STRBP: variants seen among roughly 807,000 people sequenced by gnomAD.
STRBP encodes spermatid perinuclear RNA-binding protein.
STRBP carries 13 observed loss-of-function variants against 80.1 expected under a neutral mutation model. The ratio of observed to expected loss-of-function variants is 0.16; its 90% CI spans 0.11 to 0.26. The LOEUF is 0.26. Ranked by LOEUF, STRBP falls within the 10% of genes least tolerant of loss-of-function variation. The pLI, the probability that STRBP is intolerant of heterozygous loss-of-function variation, is 1.00. For missense variants in STRBP, 485 were observed against 815.2 expected, an observed-to-expected ratio of 0.59 and a Z score of 4.93; for synonymous variants, 284 against 291.2, an observed-to-expected ratio of 0.98 and a Z score of 0.25.
chr9:123,130,638 T>C (rs1309022865), intron 17 of STRBP, among the ~76,000 whole-genome samples: 1 of 152,188 alleles, frequency 6.6e-6, no homozygotes, highest in Non-Finnish European at 1.5e-5. Flanking sequence ...CTTTGCCCTT[T>C]CAATAATACA....
intron 2 of STRBP, among the ~76,000 whole-genome samples, chr9:123,223,538 T>C (rs1311513672): frequency 6.6e-6 from 1 of 152,154 alleles, no homozygotes; most frequent in Admixed American, 6.5e-5. Context: ...AAGAAATACA[T>C]TAGTTTTTAA....
chr9:123,160,002 G>A (rs700096), intron 8 of STRBP, among the ~76,000 whole-genome samples: 20,328 of 152,210 alleles, frequency 0.13, 1,880 homozygotes, highest in Non-Finnish European at 0.21. Context: ...ATGCAAGGGG[G>A]CACCAAAAGA....
At chr9:123,118,732 C>T (rs1436911018), downstream of STRBP, among the ~76,000 whole-genome samples, 7 of 152,198 alleles carry the variant, frequency 4.6e-5, no homozygotes, top group Admixed American at 3.3e-4. Context: ...TCCTTGTCTA[C>T]GTAACGCAGT....
In STRBP at chr9:123,116,527, C is replaced by T. The variant is rs186415654; in HGVS notation, c.169-429G>A. Among the ~76,000 whole-genome samples the T allele has an allele frequency of 4.7e-4, 72 of 152,276 alleles. 3 individuals are homozygous for T. The East Asian group carries it at 0.013, about 27-fold the overall frequency. ...GTTGGTCACCTTGCCCAGTAGCACA[C>T]TAACAAAGGAACAGAAAAAGAACGA... On this transcript the variant is annotated intron_variant and NMD_transcript_variant, in intron 2 of 3. Transcript: ENST00000471564.
intron 4 of STRBP, among the ~76,000 whole-genome samples, chr9:123,176,459 C>G (rs2038223821): frequency 1.3e-5 from 2 of 152,160 alleles, no homozygotes; most frequent in Admixed American, 1.3e-4. Flanking sequence ...TAGCCTTAAG[C>G]AAGTTAAAGT....
Position 123,159,078 on chromosome 9 carries a change from A to C in STRBP, c.835+18T>G. ...GAGATTTGCTGATTGTTCTGCTTCC[A>C]GAGTTTGAAACCCTTACCAGGAAGT... On this transcript the variant is annotated intron_variant, in intron 9 of 18. Coordinates refer to ENST00000348403, the MANE Select transcript of STRBP (RefSeq NM_018387.5). 1 of 1,583,464 alleles carries C rather than the reference A, an allele frequency of 6.3e-7. No individual in the cohort carries two copies. The highest frequency in any genetic ancestry group is 1.3e-5 in the African/African-American group (1 of 74,400).
intron 3 of STRBP, chr9:123,114,317 G>T (rs900075075): frequency 6.0e-6 from 1 of 167,178 alleles, no homozygotes. Flanking sequence ...CAAGTTCATG[G>T]TCCTTTCCGT....
chr9:123,256,546 G>C (rs940300167), intron 1 of STRBP, among the ~76,000 whole-genome samples: 2 of 152,056 alleles, frequency 1.3e-5, no homozygotes, highest in African/African-American at 4.8e-5. Flanking sequence ...AAACCAAAAC[G>C]CTTGTAATAT....
chr9:123,230,607 G>T (rs1383208264), intron 2 of STRBP, among the ~76,000 whole-genome samples: 7 of 152,130 alleles, frequency 4.6e-5, no homozygotes, highest in Non-Finnish European at 1.0e-4. Context: ...CTGCCTTCCA[G>T]ACTACATCAC....
intron 17 of STRBP, among the ~76,000 whole-genome samples, chr9:123,129,534 C>T (rs2036045227): frequency 6.6e-6 from 1 of 152,128 alleles, no homozygotes; most frequent in Non-Finnish European, 1.5e-5. Flanking sequence ...ATTTCACTCC[C>T]TCCTTCTCTG....
intron 3 of STRBP, chr9:123,109,933 C>T (rs983786915): frequency 5.3e-5 from 8 of 152,320 alleles, no homozygotes; most frequent in Admixed American, 5.2e-4. Flanking sequence ...TAAATAGATA[C>T]ATGATAGATA....
intron 13 of STRBP, among the ~76,000 whole-genome samples, chr9:123,142,398 T>C (rs1280088428): frequency 2.0e-5 from 3 of 152,170 alleles, no homozygotes; most frequent in African/African-American, 4.8e-5. Context: ...GTCACTATGC[T>C]TTCTGTACAG....
Position 123,124,981 on chromosome 9 carries a change from T to C in STRBP, c.*616A>G. On this transcript the variant is annotated 3_prime_UTR_variant, in exon 19 of 19. Coordinates refer to ENST00000348403, the MANE Select transcript of STRBP (RefSeq NM_018387.5). Reference sequence around the variant, plus strand: ...GGGCTTCTAGGGCTAAGTTATTAGTTTTCAATTCCTTGTAATTTGATACCA... The same window carrying C: ...GGGCTTCTAGGGCTAAGTTATTAGTCTTCAATTCCTTGTAATTTGATACCA... The C allele has an allele frequency of 1.0e-6, 1 of 985,768 alleles. No homozygotes were observed. The allele number at this position is 985,768 out of a possible 1,614,324, so 61.1% of individuals were successfully genotyped here. A position where few individuals can be genotyped will look rare whatever the true frequency, so the allele number is the denominator to read the frequency against.
intron 1 of STRBP, among the ~76,000 whole-genome samples, chr9:123,248,504 T>A (rs2040847120): frequency 6.6e-6 from 1 of 152,036 alleles, no homozygotes; most frequent in Non-Finnish European, 1.5e-5. Context: ...ACTCCTGACC[T>A]CGTGTTCCGC....
At chr9:123,267,236 C>G (rs1424408710) in intron 1 of STRBP, among the ~76,000 whole-genome samples, 2 of 151,430 alleles carry the variant, frequency 1.3e-5, no homozygotes, top group African/African-American at 4.9e-5. Flanking sequence ...CTCCGTCCTA[C>G]CTCAAAATTC....
chr9:123,134,546 G>C (rs1263727934), intron 16 of STRBP, among the ~76,000 whole-genome samples: 4 of 152,130 alleles, frequency 2.6e-5, no homozygotes, highest in Non-Finnish European at 2.9e-5. Flanking sequence ...CAAGCACATT[G>C]AACACATGAG....
Position 123,115,869 on chromosome 9 carries a change from T to A in STRBP, c.*84+60A>T, listed in dbSNP as rs980733520. On this transcript the variant is annotated intron_variant and NMD_transcript_variant, in intron 3 of 3. Transcript: ENST00000471564. The surrounding 1 kb of genome is among the most constrained non-coding windows in gnomAD (Gnocchi z 5.0). ...CTCAAATTGCCCCACTGGCTTCCCA[T>A]AATTGTCTTTCACCCTTTGGAACCA... 1 of 368,118 alleles carries A rather than the reference T, an allele frequency of 2.7e-6. No individual in the cohort carries two copies. Among genetic ancestry groups the A allele is most frequent in the Non-Finnish European group, 5.4e-6 (1 of 186,822 alleles). 22.8% of individuals were successfully genotyped at this position (368,118 alleles called of 1,614,324 possible). A position where few individuals can be genotyped will look rare whatever the true frequency, so the allele number is the denominator to read the frequency against.
chr9:123,208,873 C>T (rs2132527926), intron 2 of STRBP, among the ~76,000 whole-genome samples: 1 of 152,280 alleles, frequency 6.6e-6, no homozygotes, highest in Non-Finnish European at 1.5e-5. Flanking sequence ...CATTTGGGAA[C>T]CTCTCTTGTA....
chr9:123,223,157 G>A (rs1371886903), intron 2 of STRBP, among the ~76,000 whole-genome samples: 2 of 152,064 alleles, frequency 1.3e-5, no homozygotes, highest in Non-Finnish European at 2.9e-5. Flanking sequence ...TGACATTCCA[G>A]AAAGGGCAGA....
Sources: allele counts gnomAD v4.1 joint callset (sites outside exome capture counted in the v4.1 genomes callset), GRCh38; gene constraint gnomAD v4.1.1; non-coding constraint Gnocchi (gnomAD v3.1); transcripts MANE v1.5; gene names NCBI Gene and HGNC (gene_info 2026-07-23, HGNC 2026-07-21).